The following PTPRT variants were observed in gnomAD, a reference collection of about 807,000 sequenced individuals.
PTPRT encodes protein tyrosine phosphatase receptor type T.
A neutral mutation model predicts 176.8 loss-of-function variants in PTPRT; 56 were observed. The observed-to-expected ratio is 0.32, with a 90% CI of 0.26 to 0.40. The LOEUF is 0.40. Ranked by LOEUF, PTPRT falls within the 10% of genes least tolerant of loss-of-function variation. The pLI is 1.00. For synonymous variants in PTPRT, 783 were observed against 739.0 expected (o/e 1.06, Z -0.96); for missense variants, 1,540 against 1,908.2 (o/e 0.81, Z 3.60).
chr20:42,448,881 A>T (rs550368125), intron 8 of PTPRT, among the ~76,000 whole-genome samples: 4 of 152,310 alleles, frequency 2.6e-5, no homozygotes, highest in East Asian at 1.9e-4. Flanking sequence ...TTACAAAAAA[A>T]AAATCTCATA....
chr20:42,938,848 T>G (rs1980371171), intron 1 of PTPRT, among the ~76,000 whole-genome samples: 1 of 152,144 alleles, frequency 6.6e-6, no homozygotes, highest in African/African-American at 2.4e-5. Context: ...ATGGCATTAG[T>G]AGTTTGGAAT....
intron 18 of PTPRT, among the ~76,000 whole-genome samples, chr20:42,131,617 C>T (rs982325511): frequency 3.3e-5 from 5 of 152,310 alleles, no homozygotes; most frequent in Admixed American, 1.3e-4. Flanking sequence ...TGTTTGACAA[C>T]GTCTCTCCTT....
chr20:42,203,657 G>A (rs891650400), intron 15 of PTPRT, among the ~76,000 whole-genome samples: 2 of 152,174 alleles, frequency 1.3e-5, no homozygotes, highest in South Asian at 4.1e-4. Flanking sequence ...ACATGTATAA[G>A]TCTCTGCTAA....
At chr20:42,164,752 C>G (rs1487260147) in intron 16 of PTPRT, among the ~76,000 whole-genome samples, 1 of 152,182 alleles carries the variant, frequency 6.6e-6, no homozygotes, top group Non-Finnish European at 1.5e-5. Flanking sequence ...TGTTCCTGTT[C>G]AAGAGGGAGC....
intron 1 of PTPRT, among the ~76,000 whole-genome samples, chr20:42,910,741 C>T (rs73910615): frequency 6.6e-6 from 1 of 152,104 alleles, no homozygotes; most frequent in Admixed American, 6.6e-5. Context: ...TTACGGAACA[C>T]AAAATCTTCT....
At chr20:42,874,246 T>C (rs2078893600) in intron 2 of PTPRT, among the ~76,000 whole-genome samples, 1 of 152,276 alleles carries the variant, frequency 6.6e-6, no homozygotes, top group South Asian at 2.1e-4. Context: ...TCCTGTTAAA[T>C]GTGTCGCTGA....
At chr20:43,025,517 C>A (rs1210897282) in intron 1 of PTPRT, among the ~76,000 whole-genome samples, 3 of 152,200 alleles carry the variant, frequency 2.0e-5, no homozygotes, top group African/African-American at 4.8e-5. Flanking sequence ...AGCCTAATTT[C>A]CTGGGTAAAG....
At chr20:42,369,103 TC>T (rs1244740614) in intron 9 of PTPRT, among the ~76,000 whole-genome samples, 1 of 150,908 alleles carries the variant, frequency 6.6e-6, no homozygotes, top group Admixed American at 6.6e-5. Context: ...CTTCCCTCCT[TC>T]CTTCCATCCA....
At chr20:42,883,667 A>G (rs1429277199) in intron 2 of PTPRT, among the ~76,000 whole-genome samples, 1 of 5,406 alleles carries the variant, frequency 1.8e-4, no homozygotes, top group Admixed American at 1.7e-3. Flanking sequence ...ACACACACCC[A>G]TACAAACACA....
At chr20:42,937,983 TA>T (rs1344493686) in intron 1 of PTPRT, among the ~76,000 whole-genome samples, 62 of 152,298 alleles carry the variant, frequency 4.1e-4, no homozygotes, top group Non-Finnish European at 7.4e-5. Flanking sequence ...CAAAACATAA[TA>T]AAATCATGAC....
chr20:42,975,937 A>G (rs1432254217), intron 1 of PTPRT, among the ~76,000 whole-genome samples: 1 of 152,074 alleles, frequency 6.6e-6, no homozygotes, highest in African/African-American at 2.4e-5. Flanking sequence ...AAAAAAAAAA[A>G]AGAGAGAACA....
At chr20:43,027,410 A>T (rs889482723) in intron 1 of PTPRT, among the ~76,000 whole-genome samples, 6 of 150,892 alleles carry the variant, frequency 4.0e-5, no homozygotes, top group Admixed American at 2.6e-4. Flanking sequence ...CAGGAGGTGG[A>T]GGTTGCAGTG....
chr20:42,867,748 G>A (rs2078773176), intron 2 of PTPRT, among the ~76,000 whole-genome samples: 1 of 135,150 alleles, frequency 7.4e-6, no homozygotes, highest in South Asian at 2.5e-4. Context: ...GAGGCACTAT[G>A]TCGGCTCACC....
At chr20:42,083,033 G>C (rs1983498146) in intron 29 of PTPRT, among the ~76,000 whole-genome samples, 2 of 140,248 alleles carry the variant, frequency 1.4e-5, no homozygotes, top group South Asian at 4.7e-4. Context: ...GTTCCCTGTT[G>C]GTAAAAGAAT....
chr20:42,210,870 G>T (rs1053094157), intron 15 of PTPRT, among the ~76,000 whole-genome samples: 3 of 152,046 alleles, frequency 2.0e-5, no homozygotes, highest in African/African-American at 7.2e-5. Flanking sequence ...AAAGCTGGAG[G>T]CATCACACTA....
intron 17 of PTPRT, among the ~76,000 whole-genome samples, chr20:42,156,095 C>T (rs1989338660): frequency 6.6e-6 from 1 of 152,188 alleles, no homozygotes; most frequent in Admixed American, 6.5e-5. Context: ...ATGCTAGCCG[C>T]TCTGCCTGGA....
intron 7 of PTPRT, among the ~76,000 whole-genome samples, chr20:42,655,051 A>T (rs889101757): frequency 1.3e-5 from 2 of 152,238 alleles, no homozygotes; most frequent in Non-Finnish European, 2.9e-5. Flanking sequence ...CAGCAATGAG[A>T]CATGTAATAC....
intron 3 of PTPRT, among the ~76,000 whole-genome samples, chr20:42,787,591 C>T (rs1388898910): frequency 6.6e-6 from 1 of 152,220 alleles, no homozygotes; most frequent in African/African-American, 2.4e-5. Context: ...ACAGAGCACA[C>T]TCTACAAATC....
intron 26 of PTPRT, among the ~76,000 whole-genome samples, chr20:42,101,207 T>C (rs1985904316): frequency 6.6e-6 from 1 of 152,190 alleles, no homozygotes; most frequent in South Asian, 2.1e-4. Context: ...TTGCCTCTTA[T>C]TGGATCCACC....
Sources: gnomAD v4.1 joint callset for allele counts (sites outside exome capture counted in the v4.1 genomes callset) on GRCh38, gnomAD v4.1.1 for gene constraint, MANE v1.5 for transcripts, NCBI Gene and HGNC (gene_info 2026-07-23, HGNC 2026-07-21) for gene names.